The following RANBP17 variants were observed in gnomAD, a reference collection of about 807,000 sequenced individuals.
RANBP17 encodes ran-binding protein 17.
Under a neutral mutation model 141.2 loss-of-function variants are expected in RANBP17, and 158 were observed. The ratio of observed to expected loss-of-function variants is 1.12; its 90% CI spans 0.98 to 1.28. The LOEUF (loss-of-function observed/expected upper bound fraction) is 1.28, where lower values mean the gene tolerates loss of function less well. Among genes scored for constraint, RANBP17 ranks in the 50% most tolerant of loss-of-function variants. The pLI, the probability that RANBP17 is intolerant of heterozygous loss-of-function variation, is 0.00. For synonymous variants in RANBP17, 430 were observed against 450.0 expected (o/e 0.96, Z 0.56); for missense variants, 1,438 against 1,290.7 (o/e 1.11, Z -1.75).
At chr5:171,038,176 G>A (rs1008515325) in intron 14 of RANBP17, among the ~76,000 whole-genome samples, 2 of 151,448 alleles carry the variant, frequency 1.3e-5, no homozygotes, top group Non-Finnish European at 3.0e-5. Context: ...GTGTGTGTGT[G>A]TGTGTGTGTG....
intron 22 of RANBP17, among the ~76,000 whole-genome samples, chr5:171,234,035 C>G (rs755544292): frequency 1.4e-4 from 21 of 150,976 alleles, no homozygotes; most frequent in Non-Finnish European, 2.1e-4. Context: ...TTGCTGTGAT[C>G]CTTAAACTCC....
intron 1 of RANBP17, among the ~76,000 whole-genome samples, chr5:170,867,967 G>A (rs1036051096): frequency 6.6e-6 from 1 of 152,032 alleles, no homozygotes; most frequent in African/African-American, 2.4e-5. Context: ...TTTGCTTTCT[G>A]TTAAGAACCA....
intron 18 of RANBP17, among the ~76,000 whole-genome samples, chr5:171,187,135 T>C (rs1019218735): frequency 3.9e-5 from 6 of 151,970 alleles, no homozygotes; most frequent in African/African-American, 1.2e-4. Flanking sequence ...TCTCAGAAAA[T>C]AGAGAGGCCT....
At chr5:171,235,929 C>T (rs1424409516) in intron 22 of RANBP17, among the ~76,000 whole-genome samples, 3 of 152,102 alleles carry the variant, frequency 2.0e-5, no homozygotes, top group Admixed American at 6.6e-5. Context: ...CACCAAATTG[C>T]CTTCTAGAAT....
intron 14 of RANBP17, among the ~76,000 whole-genome samples, chr5:171,008,361 CAG>C (rs905788850): frequency 6.6e-5 from 10 of 152,150 alleles, no homozygotes; most frequent in African/African-American, 2.4e-4. Context: ...AGGGTGAGGA[CAG>C]GGGACTGGTC....
At chr5:170,933,076 C>G (rs1183901454) in intron 12 of RANBP17, among the ~76,000 whole-genome samples, 2 of 152,074 alleles carry the variant, frequency 1.3e-5, no homozygotes, top group Non-Finnish European at 1.5e-5. Flanking sequence ...TTAATTATTG[C>G]CTCAATTTCA....
chr5:170,892,754 A>G (rs1022399202), intron 4 of RANBP17, among the ~76,000 whole-genome samples: 2 of 152,238 alleles, frequency 1.3e-5, no homozygotes, highest in Non-Finnish European at 2.9e-5. Context: ...AAATCAGAAG[A>G]ATGTAAATAA....
Position 171,047,014 on chromosome 5 carries a change from C to CTTTTTTT in RANBP17, c.1710+78651_1710+78657dup, listed in dbSNP as rs35304788. Among the ~76,000 whole-genome samples the CTTTTTTT allele has an allele frequency of 7.2e-5, 7 of 97,790 alleles. 1 individual carries two copies. The highest frequency in any genetic ancestry group is 1.3e-4 in the Admixed American group (1 of 7,442). 64.2% of individuals were successfully genotyped at this position (97,790 alleles called of 152,430 possible). ...GCATCTCATTGTAGTTTTATTTTGC[C>CTTTTTTT]TTTTTTTTTTTTTTTTTTTTGAGAT... On this transcript the variant is annotated intron_variant, in intron 14 of 27. Transcript: ENST00000523189.
intron 14 of RANBP17, among the ~76,000 whole-genome samples, chr5:171,100,220 A>G (rs1218749987): frequency 1.3e-5 from 2 of 152,074 alleles, no homozygotes; most frequent in Non-Finnish European, 2.9e-5. Flanking sequence ...TTTGGCTGTG[A>G]ATTTGTCTGG....
At chr5:171,240,781 T>G in intron 22 of RANBP17, 147 bp from the exon 23 acceptor site, 1 of 559,908 alleles carries the variant, frequency 1.8e-6, no homozygotes, top group East Asian at 2.9e-5. Context: ...ATTTATATTT[T>G]TTATTACAAT....
chr5:170,862,416 G>A (rs1012221177), intron 1 of RANBP17, among the ~76,000 whole-genome samples: 1 of 152,200 alleles, frequency 6.6e-6, no homozygotes, highest in African/African-American at 2.4e-5. Flanking sequence ...GCCGGCTTTG[G>A]CGCGCCTCGC....
chr5:171,030,160 T>G (rs779126590), intron 14 of RANBP17, among the ~76,000 whole-genome samples: 11 of 152,054 alleles, frequency 7.2e-5, no homozygotes, highest in Non-Finnish European at 1.5e-5. Context: ...TTTCCAACCA[T>G]TAAGGTAAAT....
At chr5:170,969,232 A>G (rs1235188386) in intron 14 of RANBP17, among the ~76,000 whole-genome samples, 3 of 151,828 alleles carry the variant, frequency 2.0e-5, no homozygotes, top group Admixed American at 6.6e-5. Flanking sequence ...CAGGTAAAAT[A>G]TTCTTTTTTA....
At chr5:170,925,166 T>G (rs927694832) in intron 12 of RANBP17, among the ~76,000 whole-genome samples, 2 of 152,290 alleles carry the variant, frequency 1.3e-5, no homozygotes, top group Non-Finnish European at 2.9e-5. Flanking sequence ...TGAAGTTGTT[T>G]TGCATATTTG....
chr5:170,985,012 C>T (rs1469259617), intron 14 of RANBP17, among the ~76,000 whole-genome samples: 12 of 149,306 alleles, frequency 8.0e-5, no homozygotes, highest in East Asian at 2.0e-4. Context: ...CACACAGACA[C>T]ATACACATAT....
intron 14 of RANBP17, among the ~76,000 whole-genome samples, chr5:170,991,939 TCA>T (rs972820605): frequency 1.3e-5 from 2 of 152,186 alleles, no homozygotes. Flanking sequence ...AACCAATTTA[TCA>T]CAGATTGATT....
chr5:170,933,775 G>C (rs1167980357), intron 12 of RANBP17, among the ~76,000 whole-genome samples: 2 of 152,178 alleles, frequency 1.3e-5, no homozygotes, highest in Non-Finnish European at 2.9e-5. Context: ...TGTGGTCTGA[G>C]AGACAGTTTG....
chr5:171,235,350 C>G (rs1014196514), intron 22 of RANBP17, among the ~76,000 whole-genome samples: 2 of 144,492 alleles, frequency 1.4e-5, no homozygotes, highest in Admixed American at 1.4e-4. Context: ...ATGGAAGAGA[C>G]AGTAGTGTGA....
chr5:171,206,243 C>T (rs1561763504), intron 20 of RANBP17: 2 of 162,848 alleles, frequency 1.2e-5, no homozygotes, highest in East Asian at 3.6e-4. Context: ...CCCAGCTCTT[C>T]ATTTACTGTG....
Sources: allele counts gnomAD v4.1 joint callset (sites outside exome capture counted in the v4.1 genomes callset), GRCh38; gene constraint gnomAD v4.1.1; transcripts MANE v1.5; gene names NCBI Gene and HGNC (gene_info 2026-07-23, HGNC 2026-07-21).